PFDN1: variants seen among roughly 807,000 people sequenced by gnomAD.
PFDN1 encodes prefoldin subunit 1, also known as prefoldin 1.
PFDN1 carries 6 observed loss-of-function variants against 17.3 expected under a neutral mutation model. That is an observed-to-expected ratio of 0.35 (90% CI 0.19 to 0.69). The LOEUF (loss-of-function observed/expected upper bound fraction) is 0.69. Among genes scored for constraint, PFDN1 ranks in the 30% least tolerant of loss-of-function variants. The pLI, the probability that PFDN1 is intolerant of heterozygous loss-of-function variation, is 0.65. For missense variants in PFDN1, 113 were observed against 146.2 expected (o/e 0.77, Z 1.17); for synonymous variants, 58 against 50.1 (o/e 1.16, Z -0.67).
Position 140,245,909 on chromosome 5 carries a change from C to A in PFDN1, c.*65G>T. 1 of 900,302 alleles carries A rather than the reference C, an allele frequency of 1.1e-6. No individual in the cohort carries two copies. The highest frequency in any genetic ancestry group is 1.8e-6 in the Non-Finnish European group (1 of 555,210). The allele number at this position is 900,302 out of a possible 1,614,324, so 55.8% of individuals were successfully genotyped here. A position where few individuals can be genotyped will look rare whatever the true frequency, so the allele number is the denominator to read the frequency against. ...GGGCAGAGGAGAAGCTGTTTCCCTG[C>A]AGACACTCCTCTGCCCCCACCAGGA... On this transcript the variant is annotated 3_prime_UTR_variant, in exon 4 of 4. Transcript: ENST00000261813.
intron 2 of PFDN1, among the ~76,000 whole-genome samples, chr5:140,289,557 T>C (rs1765548678): frequency 6.6e-6 from 1 of 152,180 alleles, no homozygotes; most frequent in Non-Finnish European, 1.5e-5. Flanking sequence ...ACAAGCACTA[T>C]GCAAGGCTCT....
At chr5:140,266,011 C>G (rs1403327451) in intron 3 of PFDN1, among the ~76,000 whole-genome samples, 1 of 152,186 alleles carries the variant, frequency 6.6e-6, no homozygotes, top group South Asian at 2.1e-4. Flanking sequence ...AATGCCCTCT[C>G]CTCTGCCCTA....
At position 140,245,040 on chromosome 5, in the gene PFDN1, A is replaced by C. The variant is rs147652131; in HGVS notation, c.*934T>G. 1.4e-3 allele frequency: 267 copies of C among 192,712 alleles called. 2 individuals are homozygous for C. Among genetic ancestry groups the C allele is most frequent in the African/African-American group, 6.0e-3 (253 of 42,306 alleles). The allele number at this position is 192,712 out of a possible 1,614,324, so 11.9% of individuals were successfully genotyped here. On this transcript the variant is annotated 3_prime_UTR_variant, in exon 4 of 4. Transcript: ENST00000261813. ...CAGATCACAGTCAGTGCACAGATAG[A>C]GCACAGATCGTGGTCAAATGTAGTA... is the stretch of plus-strand genomic sequence containing the variant.
intron 2 of PFDN1, among the ~76,000 whole-genome samples, chr5:140,290,558 ATGAC>A (rs1328883396): frequency 3.3e-5 from 5 of 152,222 alleles, no homozygotes; most frequent in Non-Finnish European, 5.9e-5. Context: ...ACATACTATA[ATGAC>A]TCCATTTATA....
intron 3 of PFDN1, among the ~76,000 whole-genome samples, chr5:140,257,872 C>A (rs1056363346): frequency 6.6e-6 from 1 of 152,068 alleles, no homozygotes; most frequent in Non-Finnish European, 1.5e-5. Context: ...CCATGGTCTT[C>A]GATGGAGGAA....
chr5:140,278,340 G>T (rs1765331457), intron 3 of PFDN1, among the ~76,000 whole-genome samples: 1 of 151,704 alleles, frequency 6.6e-6, no homozygotes, highest in South Asian at 2.1e-4. Flanking sequence ...GGCCAAGGTG[G>T]GTGGATCACA....
intron 3 of PFDN1, among the ~76,000 whole-genome samples, chr5:140,255,196 A>G (rs746268084): frequency 7.9e-5 from 12 of 152,224 alleles, no homozygotes; most frequent in Admixed American, 6.5e-5. Flanking sequence ...AATAAATCTC[A>G]TAAGAACTCT....
intron 3 of PFDN1, among the ~76,000 whole-genome samples, chr5:140,253,758 A>T (rs1322613941): frequency 6.6e-6 from 1 of 152,186 alleles, no homozygotes; most frequent in Non-Finnish European, 1.5e-5. Context: ...GTCGGTGGGG[A>T]CTTTTGGTTC....
chr5:140,246,114 G>A (rs1764826342), intron 3 of PFDN1, 57 bp from the exon 4 acceptor site: 1 of 1,051,578 alleles, frequency 9.5e-7, no homozygotes, highest in African/African-American at 1.6e-5. Context: ...CGGGCTGGAA[G>A]ACACAGCTTT....
chr5:140,270,853 G>C (rs561772176), intron 3 of PFDN1, among the ~76,000 whole-genome samples: 7 of 152,234 alleles, frequency 4.6e-5, no homozygotes, highest in African/African-American at 1.7e-4. Flanking sequence ...GTGAACCTGG[G>C]AGGTGGAGCT....
chr5:140,264,020 C>CAAAAAAAAAA lies in PFDN1; in HGVS notation c.285+17419_285+17428dup, dbSNP rs58605224. Among the ~76,000 whole-genome samples, 97 of 55,548 alleles carry CAAAAAAAAAA rather than the reference C, an allele frequency of 1.7e-3. 20 individuals carry two copies. The highest frequency in any genetic ancestry group is 2.6e-3 in the Non-Finnish European group (77 of 30,030). The allele number at this position is 55,548 out of a possible 152,430, so 36.4% of individuals were successfully genotyped here. A position where few individuals can be genotyped will look rare whatever the true frequency, so the allele number is the denominator to read the frequency against. ...TGGGGGTCAGAGTGAGACTCCATCT[C>CAAAAAAAAAA]AAAAAAAAAAAAAAAAAAAAAAAAA... On this transcript the variant is annotated intron_variant, in intron 3 of 3. Transcript: ENST00000261813.
chr5:140,273,714 T>C (rs562993418), intron 3 of PFDN1: 1 of 155,362 alleles, frequency 6.4e-6, no homozygotes, highest in East Asian at 1.9e-4. Context: ...GCCCTGGGAT[T>C]GCAACATTCT....
chr5:140,265,545 G>A (rs1765123431), intron 3 of PFDN1, among the ~76,000 whole-genome samples: 1 of 152,106 alleles, frequency 6.6e-6, no homozygotes, highest in Non-Finnish European at 1.5e-5. Context: ...CTACTTGGGT[G>A]TCTAATAGTA....
intron 3 of PFDN1, chr5:140,265,635 A>G (rs1765124421): frequency 6.6e-6 from 1 of 152,148 alleles, no homozygotes; most frequent in Non-Finnish European, 1.5e-5. Context: ...TTTAGTTTCA[A>G]AACTTGAAAA....
intron 2 of PFDN1, among the ~76,000 whole-genome samples, chr5:140,298,961 G>A (rs1009374120): frequency 1.3e-4 from 20 of 152,056 alleles, no homozygotes; most frequent in African/African-American, 4.8e-4. Context: ...ATGTTGGCCA[G>A]GCTGGTCTCA....
At chr5:140,262,498 T>C (rs559090004) in intron 3 of PFDN1, 2 of 456,014 alleles carry the variant, frequency 4.4e-6, no homozygotes, top group African/African-American at 4.0e-5. Flanking sequence ...TCCATGGCTA[T>C]TAGAAAATAA....
At position 140,254,597 on chromosome 5, in the gene PFDN1, C is replaced by CCA. The variant is rs985090337; in HGVS notation, c.286-8542_286-8541dup. Among the ~76,000 whole-genome samples, 2 of 152,148 alleles carry CCA rather than the reference C, an allele frequency of 1.3e-5. No individual in the cohort carries two copies. The highest frequency in any genetic ancestry group is 6.5e-5 in the Admixed American group (1 of 15,268). On this transcript the variant is annotated intron_variant, in intron 3 of 3. Coordinates refer to ENST00000261813, the MANE Select transcript of PFDN1 (RefSeq NM_002622.5). This position sits in a 1 kb window ranked among gnomAD's most constrained non-coding sequence, Gnocchi z 4.4. ...AAGAATGTAGATGACCCACCCAATA[C>CCA]CACAGCCTCCTCTCTCCTCACAATT...
intron 2 of PFDN1, among the ~76,000 whole-genome samples, chr5:140,291,277 G>T (rs1233625790): frequency 2.0e-5 from 3 of 152,170 alleles, no homozygotes; most frequent in Non-Finnish European, 4.4e-5. Flanking sequence ...AATTAGACCA[G>T]GGTGGTGGTA....
chr5:140,291,705 C>G (rs146291317), intron 2 of PFDN1, among the ~76,000 whole-genome samples: 1 of 151,502 alleles, frequency 6.6e-6, no homozygotes, highest in Non-Finnish European at 1.5e-5. Context: ...GGGCTAAGGA[C>G]AAAGTAAATT....
Sources: allele counts gnomAD v4.1 joint callset (sites outside exome capture counted in the v4.1 genomes callset), GRCh38; gene constraint gnomAD v4.1.1; non-coding constraint Gnocchi (gnomAD v3.1); transcripts MANE v1.5; gene names NCBI Gene and HGNC (gene_info 2026-07-23, HGNC 2026-07-21).